PPM1E: variants seen among roughly 807,000 people sequenced by gnomAD.
The protein encoded by PPM1E is protein phosphatase, Mg2+/Mn2+ dependent 1E.
Under a neutral mutation model 65.9 loss-of-function variants are expected in PPM1E, and 20 were observed. That is an observed-to-expected ratio of 0.30 (90% CI 0.21 to 0.44). PPM1E has a LOEUF of 0.44. Ranked by LOEUF, PPM1E falls within the 20% of genes least tolerant of loss-of-function variation. PPM1E has a pLI of 1.00. For synonymous variants in PPM1E, 352 were observed against 374.9 expected (o/e 0.94, Z 0.70); for missense variants, 713 against 953.1 (o/e 0.75, Z 3.32).
At chr17:58,767,907 G>A (rs1462765421) in intron 1 of PPM1E, among the ~76,000 whole-genome samples, 3 of 151,944 alleles carry the variant, frequency 2.0e-5, no homozygotes, top group Non-Finnish European at 4.4e-5. Context: ...CTCCCAAAGT[G>A]CTGGGATTAC....
intron 1 of PPM1E, among the ~76,000 whole-genome samples, chr17:58,797,382 C>A (rs2050216796): frequency 6.6e-6 from 1 of 152,156 alleles, no homozygotes; most frequent in East Asian, 1.9e-4. Flanking sequence ...TCAGTCTTCA[C>A]CCATGCTGCC....
intron 1 of PPM1E, among the ~76,000 whole-genome samples, chr17:58,824,884 A>G (rs572604720): frequency 3.3e-5 from 5 of 151,582 alleles, no homozygotes; most frequent in African/African-American, 9.7e-5. Flanking sequence ...CTAGGATTAC[A>G]GGTGTGAGCC....
At chr17:58,864,728 G>A (rs2050980596) in intron 1 of PPM1E, among the ~76,000 whole-genome samples, 1 of 150,800 alleles carries the variant, frequency 6.6e-6, no homozygotes, top group Admixed American at 6.6e-5. Context: ...AGGAGGTCAG[G>A]TGTTCAAGAC....
At chr17:58,825,263 C>CAAAA (rs1491111599) in intron 1 of PPM1E, among the ~76,000 whole-genome samples, 2 of 133,390 alleles carry the variant, frequency 1.5e-5, no homozygotes, top group East Asian at 2.3e-4. Flanking sequence ...CACACACACA[C>CAAAA]AAAAATAAAT....
chr17:58,909,162 C>T lies in PPM1E; in HGVS notation c.465-46487C>T, dbSNP rs986744071. 3.3e-5 allele frequency among the ~76,000 whole-genome samples: 5 copies of T among 151,844 alleles called. 1 individual carries two copies. In the South Asian group the frequency reaches 1.0e-3, roughly 31 times the overall value. On this transcript the variant is annotated intron_variant, in intron 1 of 6. Coordinates refer to ENST00000308249, the MANE Select transcript of PPM1E (RefSeq NM_014906.5). ...TTCCAAAGAATTTCTTTTAATATTT[C>T]TTGCAAGGCAGGTCTACTAGGAACA...
intron 1 of PPM1E, among the ~76,000 whole-genome samples, chr17:58,782,855 C>T (rs907193587): frequency 6.6e-6 from 1 of 152,012 alleles, no homozygotes; most frequent in South Asian, 2.1e-4. Context: ...GAATTATATT[C>T]AGAAACAGGA....
intron 1 of PPM1E, among the ~76,000 whole-genome samples, chr17:58,848,407 G>A (rs1312542377): frequency 6.6e-6 from 1 of 152,134 alleles, no homozygotes; most frequent in African/African-American, 2.4e-5. Context: ...TTGGCTGTGG[G>A]TTTGTCATAA....
chr17:58,901,847 A>G (rs1315573320), intron 1 of PPM1E, among the ~76,000 whole-genome samples: 2 of 151,452 alleles, frequency 1.3e-5, no homozygotes, highest in Admixed American at 1.3e-4. Context: ...GTAGTGGTAC[A>G]TGCCTGTAAT....
rs1302226889 is a variant in PPM1E at position 58,762,724 on chromosome 17, C to T, written c.464+6263C>T. On this transcript the variant is annotated intron_variant, in intron 1 of 6. Coordinates refer to ENST00000308249, the MANE Select transcript of PPM1E (RefSeq NM_014906.5). ...CATCCCGGCTAAAACGGTGAAACCT[C>T]GTCTCTACTAAAAATACAAAAAAAT... 7.2e-5 allele frequency among the ~76,000 whole-genome samples: 11 copies of T among 152,000 alleles called. No homozygotes were observed. The East Asian group carries it at 2.1e-3, about 29-fold the overall frequency.
chr17:58,901,151 T>A (rs2051493751), intron 1 of PPM1E, among the ~76,000 whole-genome samples: 1 of 152,188 alleles, frequency 6.6e-6, no homozygotes, highest in Admixed American at 6.5e-5. Context: ...GGTATGCTTA[T>A]CTAATCTCTT....
chr17:58,843,533 T>C (rs1037449499), intron 1 of PPM1E, among the ~76,000 whole-genome samples: 2 of 150,670 alleles, frequency 1.3e-5, no homozygotes, highest in Middle Eastern at 3.2e-3. Flanking sequence ...AAAATAAAAC[T>C]GTAGAACAAG....
intron 1 of PPM1E, among the ~76,000 whole-genome samples, chr17:58,825,098 C>T (rs529384387): frequency 1.3e-5 from 2 of 151,938 alleles, no homozygotes; most frequent in East Asian, 3.9e-4. Flanking sequence ...ATGAGTGCAT[C>T]AAAATCTCCC....
intron 1 of PPM1E, among the ~76,000 whole-genome samples, chr17:58,937,138 A>T (rs1417402956): frequency 6.6e-6 from 1 of 151,664 alleles, no homozygotes; most frequent in Non-Finnish European, 1.5e-5. Flanking sequence ...CAAAAAAAAA[A>T]AATAAAATAA....
chr17:58,796,109 G>A (rs1006650970), intron 1 of PPM1E, among the ~76,000 whole-genome samples: 1 of 152,134 alleles, frequency 6.6e-6, no homozygotes, highest in African/African-American at 2.4e-5. Flanking sequence ...CTGGAGTGCA[G>A]TGGCACAATC....
At chr17:58,773,395 G>C (rs2049959638) in intron 1 of PPM1E, among the ~76,000 whole-genome samples, 1 of 152,048 alleles carries the variant, frequency 6.6e-6, no homozygotes, top group Non-Finnish European at 1.5e-5. Context: ...TTTTTTATTA[G>C]TTTAATTTTT....
chr17:58,767,723 A>G (rs962573801), intron 1 of PPM1E, among the ~76,000 whole-genome samples: 16 of 150,014 alleles, frequency 1.1e-4, no homozygotes, highest in South Asian at 6.4e-4. Flanking sequence ...GCTCACCGCA[A>G]CCTCCGCCTC....
intron 1 of PPM1E, among the ~76,000 whole-genome samples, chr17:58,832,706 G>A (rs766306915): frequency 3.9e-5 from 6 of 152,120 alleles, no homozygotes; most frequent in Non-Finnish European, 7.4e-5. Flanking sequence ...TTCCCCCAAA[G>A]ACATCTTATA....
intron 1 of PPM1E, among the ~76,000 whole-genome samples, chr17:58,937,682 C>T (rs2143590805): frequency 6.7e-6 from 1 of 149,086 alleles, no homozygotes; most frequent in Admixed American, 6.6e-5. Context: ...CGAGACCATC[C>T]TGGCCAAGGT....
chr17:58,903,374 G>T (rs2051519845), intron 1 of PPM1E, among the ~76,000 whole-genome samples: 1 of 152,152 alleles, frequency 6.6e-6, no homozygotes, highest in Admixed American at 6.6e-5. Flanking sequence ...TCCAATTTGG[G>T]CAAGCTGGGT....
Sources: allele counts gnomAD v4.1 joint callset (sites outside exome capture counted in the v4.1 genomes callset), GRCh38; gene constraint gnomAD v4.1.1; transcripts MANE v1.5; gene names NCBI Gene and HGNC (gene_info 2026-07-23, HGNC 2026-07-21).